Variants in ZFAND6 observed in about 807,000 individuals in gnomAD.
The protein encoded by ZFAND6 is zinc finger AN1-type containing 6, also known as AN1-type zinc finger protein 6.
ZFAND6 carries 12 observed loss-of-function variants against 24.5 expected under a neutral mutation model. That is an observed-to-expected ratio of 0.49 (90% confidence interval 0.31 to 0.79). The LOEUF is 0.79. ZFAND6 is among the 30% of genes least tolerant of loss of function. The pLI is 0.04. For missense variants in ZFAND6, 207 were observed against 245.9 expected (o/e 0.84, Z 1.06); for synonymous variants, 92 against 81.5 (o/e 1.13, Z -0.69).
chr15:80,132,974 C>T (rs1042398809), intron 6 of ZFAND6, among the ~76,000 whole-genome samples: 1 of 150,232 alleles, frequency 6.7e-6, no homozygotes, highest in African/African-American at 2.4e-5. Context: ...GTGAAGCCAT[C>T]TCTGCAGCTA....
intron 1 of ZFAND6, among the ~76,000 whole-genome samples, chr15:80,065,395 G>C (rs1396910678): frequency 6.6e-6 from 1 of 151,928 alleles, no homozygotes; most frequent in Non-Finnish European, 1.5e-5. Context: ...TATACATGGG[G>C]CATGGTATTT....
At chr15:80,100,207 A>G (rs1165201635) in intron 2 of ZFAND6, among the ~76,000 whole-genome samples, 1 of 152,210 alleles carries the variant, frequency 6.6e-6, no homozygotes, top group Non-Finnish European at 1.5e-5. Context: ...TTCTTAATTT[A>G]CTGCCATTTG....
At chr15:80,111,000 T>C (rs968337654) in intron 2 of ZFAND6, among the ~76,000 whole-genome samples, 1 of 152,160 alleles carries the variant, frequency 6.6e-6, no homozygotes, top group Non-Finnish European at 1.5e-5. Flanking sequence ...TGTTCTATTA[T>C]CTAAAAGAGC....
At chr15:80,102,143 T>A (rs866882116) in intron 2 of ZFAND6, among the ~76,000 whole-genome samples, 1 of 150,646 alleles carries the variant, frequency 6.6e-6, no homozygotes, top group African/African-American at 2.4e-5. Flanking sequence ...AGTGTAGTTA[T>A]TTTTATTTTT....
At chr15:80,104,748 A>G (rs2039231018) in intron 2 of ZFAND6, among the ~76,000 whole-genome samples, 1 of 152,184 alleles carries the variant, frequency 6.6e-6, no homozygotes, top group Non-Finnish European at 1.5e-5. Context: ...CCTTGAAAGA[A>G]TAGAGTTGAA....
chr15:80,103,870 CAA>C (rs1236622123), intron 2 of ZFAND6, among the ~76,000 whole-genome samples: 1 of 152,010 alleles, frequency 6.6e-6, no homozygotes, highest in Non-Finnish European at 1.5e-5. Flanking sequence ...TTTTAAGAAA[CAA>C]GAGTCTTGCT....
chr15:80,059,855 T>TCCCCCGCCTGCTCCCTTCCCCC (rs1439031836), intron 1 of ZFAND6, 46 bp downstream of exon 1: 2 of 150,110 alleles, frequency 1.3e-5, no homozygotes, highest in Non-Finnish European at 3.0e-5. Flanking sequence ...GCGCTGCCCC[T>TCCCCCGCCTGCTCCCTTCCCCC]CCCCCGCCTG....
At chr15:80,090,151 G>A (rs1255427406) in intron 1 of ZFAND6, among the ~76,000 whole-genome samples, 1 of 152,036 alleles carries the variant, frequency 6.6e-6, no homozygotes, top group Non-Finnish European at 1.5e-5. Flanking sequence ...TTTCATTTCA[G>A]CTTACGTAGC....
At chr15:80,132,958 A>C (rs1306429459) in intron 6 of ZFAND6, among the ~76,000 whole-genome samples, 1 of 143,080 alleles carries the variant, frequency 7.0e-6, no homozygotes, top group Admixed American at 7.0e-5. Flanking sequence ...AAAAAAAAGG[A>C]AATTTGTGAA....
intron 2 of ZFAND6, among the ~76,000 whole-genome samples, chr15:80,110,249 C>T (rs2039540416): frequency 1.3e-5 from 2 of 152,242 alleles, no homozygotes; most frequent in South Asian, 4.1e-4. Flanking sequence ...TACCAGGAGG[C>T]TCAGGGAATT....
intron 1 of ZFAND6, among the ~76,000 whole-genome samples, chr15:80,092,779 T>A (rs1034132260): frequency 4.6e-5 from 7 of 152,168 alleles, no homozygotes; most frequent in African/African-American, 1.4e-4. Flanking sequence ...AAGGCTACTC[T>A]TAAAAATAGC....
chr15:80,080,441 A>C (rs1437883307), intron 1 of ZFAND6, among the ~76,000 whole-genome samples: 1 of 152,230 alleles, frequency 6.6e-6, no homozygotes, highest in African/African-American at 2.4e-5. Flanking sequence ...CTATACATAA[A>C]TACCTATGAC....
intron 1 of ZFAND6, among the ~76,000 whole-genome samples, chr15:80,071,108 A>G (rs1002538794): frequency 1.3e-5 from 2 of 152,132 alleles, no homozygotes; most frequent in Non-Finnish European, 2.9e-5. Flanking sequence ...TCAGCAGGGT[A>G]TTGCTCCATA....
chr15:80,104,340 T>G (rs12102044), intron 2 of ZFAND6, among the ~76,000 whole-genome samples: 2 of 152,220 alleles, frequency 1.3e-5, no homozygotes, highest in African/African-American at 4.8e-5. Context: ...TTGGCCAGTA[T>G]GGTGAAACCC....
chr15:80,119,482 A>G (rs1186987053), intron 2 of ZFAND6, among the ~76,000 whole-genome samples: 1 of 152,066 alleles, frequency 6.6e-6, no homozygotes, highest in African/African-American at 2.4e-5. Context: ...CGCATTTCAT[A>G]TTGTGCCTTT....
intron 5 of ZFAND6, among the ~76,000 whole-genome samples, chr15:80,123,633 G>A (rs2040242858): frequency 6.6e-6 from 1 of 152,216 alleles, no homozygotes; most frequent in African/African-American, 2.4e-5. Flanking sequence ...CAGGCACTGT[G>A]GCTTGTGCCT....
intron 2 of ZFAND6, among the ~76,000 whole-genome samples, chr15:80,101,893 T>C (rs190802570): frequency 8.6e-4 from 128 of 149,116 alleles, no homozygotes; most frequent in Non-Finnish European, 1.5e-3. Context: ...CCTGGGTTCA[T>C]GCCCTTCTCC....
At chr15:80,065,033 A>C (rs2036545000) in intron 1 of ZFAND6, among the ~76,000 whole-genome samples, 2 of 150,452 alleles carry the variant, frequency 1.3e-5, no homozygotes, top group South Asian at 4.2e-4. Context: ...AACAAAACAA[A>C]AAAACAGGCA....
chr15:80,076,752 G>A (rs2037306892), intron 1 of ZFAND6, among the ~76,000 whole-genome samples: 1 of 152,058 alleles, frequency 6.6e-6, no homozygotes, highest in African/African-American at 2.4e-5. Flanking sequence ...TTTACACACT[G>A]AGCTGTGTGC....
Sources: gnomAD v4.1 joint callset for allele counts (sites outside exome capture counted in the v4.1 genomes callset) on GRCh38, gnomAD v4.1.1 for gene constraint, MANE v1.5 for transcripts, NCBI Gene and HGNC (gene_info 2026-07-23, HGNC 2026-07-21) for gene names.